The following FGGY variants were observed in gnomAD, a reference collection of about 807,000 sequenced individuals.
FGGY encodes FGGY carbohydrate kinase domain-containing protein.
A neutral mutation model predicts 71.3 loss-of-function variants in FGGY; 72 were observed. That is an observed-to-expected ratio of 1.01 (90% confidence interval 0.84 to 1.23). FGGY has a LOEUF of 1.23. FGGY is among the 50% of genes most tolerant of loss of function. FGGY has a pLI of 0.00. For missense variants in FGGY, 668 were observed against 682.3 expected, an observed-to-expected ratio of 0.98 and a Z score of 0.23; for synonymous variants, 251 against 250.3, an observed-to-expected ratio of 1.00 and a Z score of -0.02.
intron 14 of FGGY, among the ~76,000 whole-genome samples, chr1:59,700,690 T>C (rs1427954309): frequency 6.6e-6 from 1 of 152,092 alleles, no homozygotes; most frequent in Non-Finnish European, 1.5e-5. Flanking sequence ...AGAACTTACA[T>C]TCAGTTGGGA....
chr1:59,482,317 C>T (rs747237184), intron 6 of FGGY, among the ~76,000 whole-genome samples: 4 of 152,042 alleles, frequency 2.6e-5, no homozygotes, highest in South Asian at 2.1e-4. Context: ...CCTGTGGGCT[C>T]GGGCTTGCCA....
At chr1:59,602,261 C>T (rs2096585466) in intron 8 of FGGY, among the ~76,000 whole-genome samples, 1 of 152,168 alleles carries the variant, frequency 6.6e-6, no homozygotes, top group African/African-American at 2.4e-5. Context: ...CCTCCTGCAG[C>T]TTCTATTTCC....
chr1:59,719,567 A>G (rs2097870187), intron 14 of FGGY, among the ~76,000 whole-genome samples: 1 of 152,248 alleles, frequency 6.6e-6, no homozygotes. Context: ...AAATATTATT[A>G]AAGTATCTTT....
intron 11 of FGGY, among the ~76,000 whole-genome samples, chr1:59,642,878 C>CA (rs1277761096): frequency 3.3e-4 from 49 of 150,354 alleles, no homozygotes; most frequent in African/African-American, 1.1e-3. Context: ...TAAAAAAGTA[C>CA]AAAAAAATTA....
intron 7 of FGGY, among the ~76,000 whole-genome samples, chr1:59,519,623 A>C (rs1213679878): frequency 6.6e-6 from 1 of 152,168 alleles, no homozygotes; most frequent in African/African-American, 2.4e-5. Context: ...TAAAATAATA[A>C]CATTGTTAAT....
chr1:59,595,616 G>A (rs543301224), intron 8 of FGGY, among the ~76,000 whole-genome samples: 1 of 152,226 alleles, frequency 6.6e-6, no homozygotes, highest in South Asian at 2.1e-4. Flanking sequence ...TTTGAACCCA[G>A]GAGGCAGAAG....
At chr1:59,737,945 A>G (rs1300239234) in intron 14 of FGGY, among the ~76,000 whole-genome samples, 2 of 152,166 alleles carry the variant, frequency 1.3e-5, no homozygotes, top group African/African-American at 4.8e-5. Flanking sequence ...AAGTAATTGA[A>G]TCATGGGGGC....
chr1:59,633,880 G>A (rs185422763), intron 10 of FGGY, among the ~76,000 whole-genome samples: 28 of 152,286 alleles, frequency 1.8e-4, no homozygotes, highest in Admixed American at 7.2e-4. Flanking sequence ...TCTGGAAGAC[G>A]TCATATGTTT....
intron 2 of FGGY, 79 bp from the exon 3 acceptor site, chr1:59,339,879 C>T: frequency 2.1e-5 from 16 of 772,672 alleles, no homozygotes; most frequent in South Asian, 1.1e-4. Flanking sequence ...TCTGTCATTC[C>T]TTCCTTCTAG....
intron 14 of FGGY, among the ~76,000 whole-genome samples, chr1:59,687,757 C>G (rs2097556997): frequency 6.6e-6 from 1 of 151,948 alleles, no homozygotes; most frequent in South Asian, 2.1e-4. Context: ...CGTGAGCCAC[C>G]ACGTCTGGCT....
intron 6 of FGGY, among the ~76,000 whole-genome samples, chr1:59,465,365 TAAG>T (rs1278438996): frequency 6.6e-6 from 1 of 152,108 alleles, no homozygotes; most frequent in Admixed American, 6.5e-5. Context: ...CTCAAAATAA[TAAG>T]AGCTGTTTAT....
chr1:59,681,989 G>A (rs1162212237), intron 14 of FGGY, among the ~76,000 whole-genome samples: 2 of 152,172 alleles, frequency 1.3e-5, no homozygotes, highest in African/African-American at 4.8e-5. Context: ...CCTCTGCAGT[G>A]AACCATAAAA....
chr1:59,649,168 T>C (rs2097130967), intron 11 of FGGY, among the ~76,000 whole-genome samples: 1 of 150,614 alleles, frequency 6.6e-6, no homozygotes, highest in African/African-American at 2.4e-5. Context: ...TAGTATAGTT[T>C]GAAGTCAGGT....
At chr1:59,723,708 A>G (rs1307684089) in intron 14 of FGGY, among the ~76,000 whole-genome samples, 1 of 152,184 alleles carries the variant, frequency 6.6e-6, no homozygotes, top group Non-Finnish European at 1.5e-5. Flanking sequence ...TGTTTTTGAC[A>G]TACTACATTC....
At chr1:59,356,888 C>T (rs2054426702) in intron 4 of FGGY, among the ~76,000 whole-genome samples, 1 of 152,178 alleles carries the variant, frequency 6.6e-6, no homozygotes, top group Non-Finnish European at 1.5e-5. Context: ...CTGGGCCTCT[C>T]CACTGTGTCT....
In FGGY at chr1:59,502,529, C is replaced by A. The variant is rs138178625; in HGVS notation, c.671-9782C>A. ...TAAAAAGACTATGCTCTGAATAGTT[C>A]AGAATTGGCCGCCCACACTCCTGGA... On this transcript the variant is annotated intron_variant, in intron 6 of 15. Transcript: ENST00000303721. 3.9e-3 allele frequency among the ~76,000 whole-genome samples: 587 copies of A among 152,266 alleles called. 5 individuals are homozygous for A. Among genetic ancestry groups the A allele is most frequent in the African/African-American group, 0.013 (552 of 41,550 alleles).
intron 13 of FGGY, among the ~76,000 whole-genome samples, chr1:59,669,976 T>C (rs2097363098): frequency 1.3e-5 from 2 of 152,182 alleles, no homozygotes; most frequent in Non-Finnish European, 2.9e-5. Context: ...TGTTCTCCTC[T>C]AGGCTGTTGA....
chr1:59,468,330 C>T lies in FGGY; in HGVS notation c.670+11254C>T, dbSNP rs371727896. Among the ~76,000 whole-genome samples the T allele has an allele frequency of 7.4e-4, 113 of 152,270 alleles. 1 individual carries two copies. Among genetic ancestry groups the T allele is most frequent in the African/African-American group, 2.6e-3 (110 of 41,540 alleles). On this transcript the variant is annotated intron_variant, in intron 6 of 15. Coordinates refer to ENST00000303721, the MANE Select transcript of FGGY (RefSeq NM_018291.5). The stretch of plus-strand genomic sequence containing the variant: ...CACTGTCATCTTTCATGAACACCTT[C>T]TACATAAGACGGGTCCCTGCAGAAG...
At chr1:59,331,514 C>A (rs2048476385) in intron 2 of FGGY, among the ~76,000 whole-genome samples, 1 of 152,154 alleles carries the variant, frequency 6.6e-6, no homozygotes, top group Non-Finnish European at 1.5e-5. Flanking sequence ...TCCATGAGGT[C>A]CACTCCTCAT....
Sources: gnomAD v4.1 joint callset for allele counts (sites outside exome capture counted in the v4.1 genomes callset) on GRCh38, gnomAD v4.1.1 for gene constraint, MANE v1.5 for transcripts, NCBI Gene and HGNC (gene_info 2026-07-23, HGNC 2026-07-21) for gene names.